SLC22A9: variants seen among roughly 807,000 people sequenced by gnomAD.
SLC22A9 encodes the protein solute carrier family 22 member 9, also known as organic anion transporter 7.
Under a neutral mutation model 50.1 loss-of-function variants are expected in SLC22A9, and 64 were observed. That is an observed-to-expected ratio of 1.28 (90% CI 1.04 to 1.57). SLC22A9 has a LOEUF of 1.57. Ranked by LOEUF, SLC22A9 falls within the 40% of genes most tolerant of loss-of-function variation. SLC22A9 has a pLI of 0.00. For missense variants in SLC22A9, 757 were observed against 676.1 expected, an observed-to-expected ratio of 1.12 and a Z score of -1.33; for synonymous variants, 261 against 242.5, an observed-to-expected ratio of 1.08 and a Z score of -0.71.
intron 7 of SLC22A9, 146 bp downstream of exon 7, chr11:63,406,857 A>T (rs2015049935): frequency 2.2e-6 from 2 of 925,786 alleles, no homozygotes; most frequent in African/African-American, 3.4e-5. Flanking sequence ...TTTGGGACAG[A>T]TTCTGCCACA....
At chr11:63,381,431 A>G (rs1400215775) in intron 5 of SLC22A9, among the ~76,000 whole-genome samples, 1 of 152,164 alleles carries the variant, frequency 6.6e-6, no homozygotes, top group Non-Finnish European at 1.5e-5. Context: ...TTTTTTTAAC[A>G]GGTACAAAAC....
intron 5 of SLC22A9, among the ~76,000 whole-genome samples, chr11:63,377,004 T>G (rs1453389843): frequency 1.3e-5 from 2 of 152,130 alleles, no homozygotes; most frequent in East Asian, 3.8e-4. Flanking sequence ...TTAACTATCT[T>G]AAATATATAT....
At chr11:63,405,484 T>C (rs2015021516) in intron 6 of SLC22A9, among the ~76,000 whole-genome samples, 1 of 152,188 alleles carries the variant, frequency 6.6e-6, no homozygotes. Flanking sequence ...ATAAAAACTA[T>C]TGACTCCTTT....
chr11:63,406,566 G>A lies in SLC22A9; in HGVS notation c.1143G>A (p.Leu381=). 6.2e-7 allele frequency: 1 copy of A among 1,613,778 alleles called. No homozygotes were observed. The highest frequency in any genetic ancestry group is 8.5e-7 in the Non-Finnish European group (1 of 1,179,808). The change falls in exon 7 of 10, where the codon CTG becomes CTA. Residue 381 remains leucine, a synonymous_variant. Transcript: ENST00000279178. ...HVQHLGNNVF[L]LQTLFGAVIL... ...AGCATCTGGGGAACAATGTTTTCCT[G>A]TTGCAGACTCTCTTTGGTGCAGTCA... is the stretch of plus-strand genomic sequence containing the variant.
intron 5 of SLC22A9, 147 bp downstream of exon 5, chr11:63,375,915 G>C: frequency 9.6e-7 from 1 of 1,040,802 alleles, no homozygotes; most frequent in Non-Finnish European, 1.4e-6. Flanking sequence ...TTTTTAATGG[G>C]CTTCAATATT....
intron 6 of SLC22A9, among the ~76,000 whole-genome samples, chr11:63,387,221 C>T (rs996171331): frequency 3.9e-5 from 6 of 151,960 alleles, no homozygotes; most frequent in Admixed American, 2.0e-4. Flanking sequence ...TTGCCCAGTC[C>T]AATATCCTGG....
intron 9 of SLC22A9, among the ~76,000 whole-genome samples, chr11:63,409,454 C>G (rs1292602282): frequency 6.7e-6 from 1 of 149,992 alleles, no homozygotes; most frequent in Non-Finnish European, 1.5e-5. Context: ...AAAAAAAAAT[C>G]ACAAAAATAT....
In SLC22A9 at chr11:63,373,882, T is replaced by A; in HGVS notation, c.662-12T>A. The A allele has an allele frequency of 1.9e-6, 3 of 1,611,834 alleles. No individual in the cohort carries two copies. The South Asian group carries it at 3.3e-5, about 18-fold the overall frequency. ...CCTTTGAAGTCAAAGCCTTATCTGT[T>A]TTTTCTTCCAGTAGCCGAGTGGGCA... On this transcript the variant is annotated splice_polypyrimidine_tract_variant and intron_variant, in intron 3 of 9. Transcript: ENST00000279178.
chr11:63,386,434 C>CTTTTTTTT lies in SLC22A9; in HGVS notation c.1073+4184_1073+4191dup, dbSNP rs71065364. On this transcript the variant is annotated intron_variant, in intron 6 of 9. Coordinates refer to ENST00000279178, the MANE Select transcript of SLC22A9 (RefSeq NM_080866.3). The stretch of plus-strand genomic sequence containing the variant: ...AGCTATAAATCCACGTGGACCTGGA[C>CTTTTTTTT]TTTTTTTTTTTTTTTTTTTTTTTTT... 1.7e-3 allele frequency among the ~76,000 whole-genome samples: 58 copies of CTTTTTTTT among 33,506 alleles called. 4 individuals carry two copies. Among genetic ancestry groups the CTTTTTTTT allele is most frequent in the Middle Eastern group, 0.038 (1 of 26 alleles). 22.0% of individuals were successfully genotyped at this position (33,506 alleles called of 152,430 possible).
At position 63,371,222 on chromosome 11, in the gene SLC22A9, G is replaced by A. The variant is rs138297035; in HGVS notation, c.490G>A (p.Gly164Ser). The change falls in exon 2 of 10, where the codon GGT becomes AGT. Residue 164 changes from glycine (G) to serine (S), a missense_variant. By Grantham distance (56) the Gly-to-Ser change is moderately conservative (BLOSUM62 0). Transcript: ENST00000279178. Reference protein sequence around the residue: ...AGMMVGGILGGHLSDRFGRRF... With the variant: ...AGMMVGGILGSHLSDRFGRRF... ...AATGATGGTGGGAGGCATCCTAGGC[G>A]GTCATTTATCAGACAGGTGAGTGTG... The A allele has an allele frequency of 8.0e-5, 129 of 1,612,728 alleles. 1 individual carries two copies. The highest frequency in any genetic ancestry group is 7.7e-4 in the African/African-American group (58 of 74,944).
At chr11:63,400,985 C>T (rs2014942835) in intron 6 of SLC22A9, among the ~76,000 whole-genome samples, 1 of 151,932 alleles carries the variant, frequency 6.6e-6, no homozygotes, top group African/African-American at 2.4e-5. Context: ...ACAAACTGAG[C>T]ATAAAAGGAA....
chr11:63,389,502 A>T (rs1591020981), intron 6 of SLC22A9, among the ~76,000 whole-genome samples: 1 of 152,136 alleles, frequency 6.6e-6, no homozygotes, highest in African/African-American at 2.4e-5. Flanking sequence ...CCCTGCAAAG[A>T]ACATGAACTC....
rs778445877 is a variant in SLC22A9 at position 63,375,645 on chromosome 11, T to C, written c.831T>C (p.Ser277=). ...VPYFVIFLTS[S]WLLESARWLI... ...CCCCTCTGTTCTCTTCCTTGGTCAGTTGGCTGCTAGAGTCTGCTCGGTGGC... is the reference window on the plus strand; with the variant it reads ...CCCCTCTGTTCTCTTCCTTGGTCAGCTGGCTGCTAGAGTCTGCTCGGTGGC... Residue 277 remains serine (S), a splice_region_variant and synonymous_variant, in exon 5 of 10, where the codon AGT becomes AGC. Coordinates refer to ENST00000279178, the MANE Select transcript of SLC22A9 (RefSeq NM_080866.3). 34 of 1,611,780 alleles carry C rather than the reference T, an allele frequency of 2.1e-5. 1 individual carries two copies. The East Asian group carries it at 7.6e-4, about 36-fold the overall frequency.
chr11:63,370,421 A>C lies in SLC22A9; in HGVS notation c.365A>C (p.Tyr122Ser), dbSNP rs146253672. ...GAGCCCTGTGTGGATGGCTGGGTGT[A>C]TGACAGAATCTCCTTCTCATCCACC... is the stretch of plus-strand genomic sequence containing the variant. ...DMEPCVDGWV[Y>S]DRISFSSTIV... Residue 122 changes from tyrosine to serine, a missense_variant, in exon 1 of 10, where the codon TAT becomes TCT. By Grantham distance (144) the Tyr-to-Ser change is moderately radical. Transcript: ENST00000279178. 8 of 1,606,060 alleles carry C rather than the reference A, an allele frequency of 5.0e-6. No individual in the cohort carries two copies. The East Asian group carries it at 1.8e-4, about 36-fold the overall frequency.
chr11:63,398,479 C>T (rs2014898062), intron 6 of SLC22A9, among the ~76,000 whole-genome samples: 1 of 152,186 alleles, frequency 6.6e-6, no homozygotes, highest in Admixed American at 6.5e-5. Flanking sequence ...GATGGTGAGG[C>T]TTGTCAGAAC....
intron 9 of SLC22A9, 59 bp downstream of exon 9, chr11:63,408,938 G>A: frequency 6.4e-7 from 1 of 1,573,758 alleles, no homozygotes; most frequent in South Asian, 1.1e-5. Flanking sequence ...CTGTGCTGAG[G>A]AAGGCAAAAT....
At chr11:63,396,200 C>T (rs868077514) in intron 6 of SLC22A9, among the ~76,000 whole-genome samples, 1 of 152,168 alleles carries the variant, frequency 6.6e-6, no homozygotes, top group Non-Finnish European at 1.5e-5. Context: ...AATTCGCACT[C>T]TCTCCCAAGT....
intron 6 of SLC22A9, among the ~76,000 whole-genome samples, chr11:63,401,405 G>A (rs146579782): frequency 3.4e-3 from 515 of 151,978 alleles, no homozygotes; most frequent in Non-Finnish European, 5.6e-3. Flanking sequence ...TTTGCAATTC[G>A]TTACAAAAAG....
Position 63,408,113 on chromosome 11 carries a change from A to T in SLC22A9, c.1290A>T (p.Glu430Asp). ...GCCTTGTGTTCTTCCTTTCTCCAGA[A>T]ATGCAGACGCTGCGTGAGGTTTTGG... is the stretch of plus-strand genomic sequence containing the variant. ...CLLAIIFVPQ[E>D]MQTLREVLAT... The change falls in exon 8 of 10, where the codon GAA (glutamate) becomes GAT (aspartate). Residue 430 changes from glutamate (E) to aspartate (D), a missense_variant and splice_region_variant. Physicochemically the swap from Glu to Asp is conservative, Grantham distance 45. Coordinates refer to ENST00000279178, the MANE Select transcript of SLC22A9 (RefSeq NM_080866.3). 2 of 1,612,990 alleles carry T rather than the reference A, an allele frequency of 1.2e-6. No homozygotes were observed. The highest frequency in any genetic ancestry group is 1.7e-6 in the Non-Finnish European group (2 of 1,179,254).
Sources: allele counts gnomAD v4.1 joint callset (sites outside exome capture counted in the v4.1 genomes callset), GRCh38; gene constraint gnomAD v4.1.1; transcripts MANE v1.5; gene names NCBI Gene and HGNC (gene_info 2026-07-23, HGNC 2026-07-21).